CTNNA3: variants seen among roughly 807,000 people sequenced by gnomAD.
The protein encoded by CTNNA3 is catenin alpha-3.
Under a neutral mutation model 95.7 loss-of-function variants are expected in CTNNA3, and 76 were observed. The observed-to-expected ratio is 0.79, with a 90% CI of 0.66 to 0.96. The LOEUF is 0.96. Among genes scored for constraint, CTNNA3 ranks in the 40% least tolerant of loss-of-function variants. The pLI is 0.00. For missense variants in CTNNA3, 1,191 were observed against 1,089.8 expected (o/e 1.09, Z -1.31); for synonymous variants, 431 against 374.4 (o/e 1.15, Z -1.74).
At chr10:66,529,614 A>G (rs1217937747) in intron 10 of CTNNA3, among the ~76,000 whole-genome samples, 1 of 152,028 alleles carries the variant, frequency 6.6e-6, no homozygotes, top group African/African-American at 2.4e-5. Context: ...CTTTTACTAT[A>G]TGTGTAAAAA....
At chr10:66,404,593 T>C (rs912726842) in intron 11 of CTNNA3, among the ~76,000 whole-genome samples, 10 of 152,172 alleles carry the variant, frequency 6.6e-5, no homozygotes, top group African/African-American at 2.4e-4. Flanking sequence ...AGTATAAAAG[T>C]AACAACACTT....
At chr10:67,700,287 G>A (rs1028215952), upstream of CTNNA3, among the ~76,000 whole-genome samples, 6 of 152,156 alleles carry the variant, frequency 3.9e-5, no homozygotes, top group Non-Finnish European at 5.9e-5. Flanking sequence ...CTCCCAGCAC[G>A]CAGCTGCAGA....
At chr10:66,663,153 C>A (rs1404110908) in intron 9 of CTNNA3, among the ~76,000 whole-genome samples, 2 of 152,108 alleles carry the variant, frequency 1.3e-5, no homozygotes, top group African/African-American at 4.8e-5. Context: ...ATTCTCTACA[C>A]AACAGCCAGA....
rs913345982 is a variant in CTNNA3, at chr10:65,935,876, T to C, written c.2401-15259A>G. 7.2e-5 allele frequency among the ~76,000 whole-genome samples: 11 copies of C among 152,282 alleles called. No individual in the cohort carries two copies. In the East Asian group the frequency reaches 1.2e-3, roughly 16 times the overall value. ...GGGTGAACTTTTATGGATAATGATA[T>C]GACCAAGCTATAGGGCAGCGTTTAT... On this transcript the variant is annotated intron_variant, in intron 17 of 17. Transcript: ENST00000433211.
intron 1 of CTNNA3, among the ~76,000 whole-genome samples, chr10:67,739,561 C>T (rs1244335045): frequency 1.6e-4 from 24 of 151,886 alleles, no homozygotes; most frequent in Middle Eastern, 6.8e-3. Flanking sequence ...TTCACAATTG[C>T]TTCAAAGAGA....
chr10:67,726,474 T>TATTA (rs1841223245), intron 1 of CTNNA3, among the ~76,000 whole-genome samples: 1 of 62,452 alleles, frequency 1.6e-5, no homozygotes, highest in Admixed American at 3.0e-4. Flanking sequence ...TGATATAATA[T>TATTA]TATATATTAT....
Position 67,500,490 on chromosome 10 carries a change from A to AC in CTNNA3, c.579+21351_579+21352insG, listed in dbSNP as rs1839194068. On this transcript the variant is annotated intron_variant, in intron 5 of 17. Coordinates refer to ENST00000433211, the MANE Select transcript of CTNNA3 (RefSeq NM_013266.4). ...GCTCAAGTCCTGAACATCCTTGTTAATTTTCTGTCTTGTTGATCTAATATT... is the reference window on the plus strand; with the variant it reads ...GCTCAAGTCCTGAACATCCTTGTTAACTTTTCTGTCTTGTTGATCTAATATT... Among the ~76,000 whole-genome samples, 3 of 152,088 alleles carry AC rather than the reference A, an allele frequency of 2.0e-5. No homozygotes were observed. In the South Asian group the frequency reaches 6.2e-4, roughly 32 times the overall value.
At chr10:67,112,719 A>G (rs1858973397) in intron 7 of CTNNA3, among the ~76,000 whole-genome samples, 1 of 151,948 alleles carries the variant, frequency 6.6e-6, no homozygotes, top group African/African-American at 2.4e-5. Flanking sequence ...ACATTCAACA[A>G]TTTGTATGTT....
At chr10:67,482,326 A>G in intron 5 of CTNNA3, among the ~76,000 whole-genome samples, 1 of 152,164 alleles carries the variant, frequency 6.6e-6, no homozygotes, top group Admixed American at 6.5e-5. Flanking sequence ...TTGAATCTAT[A>G]AATTACCTTG....
rs190336768 is a variant in CTNNA3, at chr10:67,404,804, A to C, written c.579+117038T>G. Among the ~76,000 whole-genome samples, 4 of 152,300 alleles carry C rather than the reference A, an allele frequency of 2.6e-5. No individual in the cohort carries two copies. In the East Asian group the frequency reaches 7.7e-4, roughly 29 times the overall value. On this transcript the variant is annotated intron_variant, in intron 5 of 17. Coordinates refer to ENST00000433211, the MANE Select transcript of CTNNA3 (RefSeq NM_013266.4). The stretch of plus-strand genomic sequence containing the variant: ...AATGAAATAAAAAATGTCAAAGGCC[A>C]CTGGAAAGAAAGGCGAGGCCACCTA...
At chr10:66,797,519 C>T (rs79906014) in intron 7 of CTNNA3, among the ~76,000 whole-genome samples, 1,599 of 152,030 alleles carry the variant, frequency 0.011, 31 homozygotes, top group African/African-American at 0.035. Flanking sequence ...CATTCAATGT[C>T]CCTTTTTCTG....
At chr10:67,130,879 G>T (rs961176928) in intron 7 of CTNNA3, among the ~76,000 whole-genome samples, 1 of 152,046 alleles carries the variant, frequency 6.6e-6, no homozygotes, top group Admixed American at 6.6e-5. Flanking sequence ...TTCTTCCTCT[G>T]CTTGAATTGC....
At position 66,007,740 on chromosome 10, in the gene CTNNA3, A is replaced by AC. The variant is rs2078920749; in HGVS notation, c.2160-18944dup. ...TCCCTCCCTCCCTTTCTTCCTCCCT[A>AC]CCTTCCTTTCCCCCTCCCTCCCTCC... On this transcript the variant is annotated intron_variant, in intron 15 of 17. Transcript: ENST00000433211. Among the ~76,000 whole-genome samples the AC allele has an allele frequency of 2.7e-4, 21 of 78,830 alleles. No individual in the cohort carries two copies. The East Asian group carries it at 3.3e-3, about 12-fold the overall frequency. 51.7% of individuals were successfully genotyped at this position (78,830 alleles called of 152,430 possible). A position where few individuals can be genotyped will look rare whatever the true frequency, so the allele number is the denominator to read the frequency against.
intron 5 of CTNNA3, among the ~76,000 whole-genome samples, chr10:67,468,092 G>C (rs1847671290): frequency 6.6e-6 from 1 of 151,204 alleles, no homozygotes; most frequent in African/African-American, 2.4e-5. Context: ...GTAAACTTGT[G>C]TCATGGGAGT....
At chr10:67,588,036 C>A (rs1290221884) in intron 3 of CTNNA3, among the ~76,000 whole-genome samples, 1 of 151,892 alleles carries the variant, frequency 6.6e-6, no homozygotes, top group African/African-American at 2.4e-5. Context: ...TCAATAAATT[C>A]TTCAGTTCCA....
intron 11 of CTNNA3, among the ~76,000 whole-genome samples, chr10:66,492,273 A>G (rs1196716042): frequency 2.6e-5 from 4 of 151,932 alleles, no homozygotes; most frequent in Non-Finnish European, 4.4e-5. Context: ...TGAATTCATC[A>G]TCTTCTTTAT....
intron 14 of CTNNA3, among the ~76,000 whole-genome samples, chr10:66,081,012 T>G (rs1469538735): frequency 6.6e-6 from 1 of 152,138 alleles, no homozygotes; most frequent in Non-Finnish European, 1.5e-5. Context: ...CAATGGGAAG[T>G]TCTCTAAAGT....
At chr10:67,202,039 G>A (rs1465972963) in intron 6 of CTNNA3, among the ~76,000 whole-genome samples, 2 of 152,018 alleles carry the variant, frequency 1.3e-5, no homozygotes, top group Non-Finnish European at 2.9e-5. Context: ...TAATATGTTG[G>A]CAATATTTTC....
chr10:67,394,300 C>CA (rs553742818), intron 5 of CTNNA3, among the ~76,000 whole-genome samples: 3,847 of 128,646 alleles, frequency 0.03, 84 homozygotes, highest in South Asian at 0.089. Flanking sequence ...GAATGAATAT[C>CA]AAAAAAAAAA....
Sources: gnomAD v4.1 joint callset for allele counts (sites outside exome capture counted in the v4.1 genomes callset) on GRCh38, gnomAD v4.1.1 for gene constraint, MANE v1.5 for transcripts, NCBI Gene and HGNC (gene_info 2026-07-23, HGNC 2026-07-21) for gene names.